The following ECHDC1 variants were observed in gnomAD, a reference collection of about 807,000 sequenced individuals.
ECHDC1 encodes ethylmalonyl-CoA decarboxylase.
Under a neutral mutation model 29.7 loss-of-function variants are expected in ECHDC1, and 29 were observed. The ratio of observed to expected loss-of-function variants is 0.98; its 90% CI spans 0.73 to 1.33. ECHDC1 has a LOEUF of 1.33. ECHDC1 is among the 40% of genes most tolerant of loss of function. The pLI is 0.00. For synonymous variants in ECHDC1, 126 were observed against 123.1 expected (o/e 1.02, Z -0.15); for missense variants, 328 against 350.0 (o/e 0.94, Z 0.50).
In ECHDC1 at chr6:127,289,018, C is replaced by A. The variant is rs1779874453; in HGVS notation, c.*851G>T. On this transcript the variant is annotated 3_prime_UTR_variant, in exon 6 of 6. Coordinates refer to ENST00000454859, the MANE Select transcript of ECHDC1 (RefSeq NM_001002030.2). ...AAAAGTGTATTGCTGGGATCATAAA[C>A]ATTTTATGTTGTGCATTTTTATTAC... 6.6e-6 allele frequency: 1 copy of A among 152,006 alleles called. No individual in the cohort carries two copies. Among genetic ancestry groups the A allele is most frequent in the Admixed American group, 6.6e-5 (1 of 15,246 alleles). 9.4% of individuals were successfully genotyped at this position (152,006 alleles called of 1,614,324 possible). A position where few individuals can be genotyped will look rare whatever the true frequency, so the allele number is the denominator to read the frequency against.
chr6:127,340,736 T>C (rs1380967928), intron 1 of ECHDC1, among the ~76,000 whole-genome samples: 3 of 95,314 alleles, frequency 3.1e-5, no homozygotes, highest in Non-Finnish European at 6.8e-5. Context: ...GATAGTTGCT[T>C]TAAAAGTTTT....
At chr6:127,294,012 A>AT (rs1169472752) in intron 5 of ECHDC1, among the ~76,000 whole-genome samples, 3 of 152,224 alleles carry the variant, frequency 2.0e-5, no homozygotes, top group African/African-American at 7.2e-5. Flanking sequence ...CTGTATTCTA[A>AT]TACAGATATG....
In ECHDC1 at chr6:127,290,124, A is replaced by C. The variant is rs751638074; in HGVS notation, c.651T>G (p.Ala217=). 4.3e-6 allele frequency: 7 copies of C among 1,613,702 alleles called. No homozygotes were observed. In the South Asian group the frequency reaches 7.7e-5, roughly 18 times the overall value. Residue 217 remains alanine (A), a synonymous_variant, in exon 6 of 6, where the codon GCT becomes GCG. Transcript: ENST00000454859. The stretch of plus-strand genomic sequence containing the variant: ...CCTCTTCAACCATTCCTATGTTTAG[A>C]GCATTTTTTGAATCCAGTTTAAGGG... ...SGALKLDSKN[A]LNIGMVEEVL...
rs1562327713 is a variant in ECHDC1 at position 127,326,984 on chromosome 6, A to G, written c.363+18T>C. 2.1e-5 allele frequency: 34 copies of G among 1,607,432 alleles called. No individual in the cohort carries two copies. Among genetic ancestry groups the G allele is most frequent in the Non-Finnish European group, 2.3e-5 (27 of 1,176,868 alleles). ...AATAAACATGTAGAATCAAATGCAT[A>G]ATTCATATAACACTTGCCTCTGGAG... On this transcript the variant is annotated intron_variant, in intron 3 of 5. Transcript: ENST00000454859.
intron 1 of ECHDC1, among the ~76,000 whole-genome samples, chr6:127,333,277 T>C (rs1032306659): frequency 4.6e-5 from 7 of 152,190 alleles, no homozygotes; most frequent in African/African-American, 1.7e-4. Context: ...TTAGGAATAA[T>C]ATAGGAGTTA....
At chr6:127,290,485 T>C (rs974900878) in intron 5 of ECHDC1, among the ~76,000 whole-genome samples, 1 of 152,110 alleles carries the variant, frequency 6.6e-6, no homozygotes. Flanking sequence ...GTATCATTTT[T>C]TGTTGTGCTT....
chr6:127,331,356 G>C (rs1190598904), intron 1 of ECHDC1, among the ~76,000 whole-genome samples: 1 of 151,976 alleles, frequency 6.6e-6, no homozygotes, highest in Non-Finnish European at 1.5e-5. Flanking sequence ...ATGTTAACCA[G>C]GCTGGTCTCG....
chr6:127,316,857 G>A (rs1311032704), intron 3 of ECHDC1, among the ~76,000 whole-genome samples: 2 of 151,642 alleles, frequency 1.3e-5, no homozygotes, highest in African/African-American at 4.9e-5. Context: ...AAGAGAAGAA[G>A]GGAAAGAAGG....
At chr6:127,291,980 AGAG>A (rs1215377350) in intron 5 of ECHDC1, among the ~76,000 whole-genome samples, 2 of 152,152 alleles carry the variant, frequency 1.3e-5, no homozygotes, top group Non-Finnish European at 2.9e-5. Flanking sequence ...CAATATTGTA[AGAG>A]GAGTACTGCC....
At chr6:127,305,273 T>C (rs892218758) in intron 5 of ECHDC1, among the ~76,000 whole-genome samples, 3 of 152,190 alleles carry the variant, frequency 2.0e-5, no homozygotes, top group African/African-American at 7.2e-5. Context: ...TGGTACGACA[T>C]ACTGCAAGTG....
chr6:127,303,038 T>C (rs1186876464), intron 5 of ECHDC1, among the ~76,000 whole-genome samples: 3 of 152,178 alleles, frequency 2.0e-5, no homozygotes, highest in Non-Finnish European at 4.4e-5. Context: ...GTAAACGGTC[T>C]TATATACCAA....
At chr6:127,312,836 T>C (rs1405142928) in intron 5 of ECHDC1, among the ~76,000 whole-genome samples, 3 of 152,146 alleles carry the variant, frequency 2.0e-5, no homozygotes, top group South Asian at 4.1e-4. Flanking sequence ...CTTTTCAACA[T>C]TAAAAAGGAA....
chr6:127,301,812 T>A (rs938162239), intron 5 of ECHDC1, among the ~76,000 whole-genome samples: 1 of 152,206 alleles, frequency 6.6e-6, no homozygotes, highest in Non-Finnish European at 1.5e-5. Context: ...TTCTAATCGA[T>A]TGCAGACCAA....
At chr6:127,318,763 T>C (rs1246035242) in intron 3 of ECHDC1, among the ~76,000 whole-genome samples, 1 of 152,138 alleles carries the variant, frequency 6.6e-6, no homozygotes, top group South Asian at 2.1e-4. Context: ...CTTAAAAAAA[T>C]TAGATGAATT....
chr6:127,319,394 A>T (rs1425775678), intron 3 of ECHDC1, among the ~76,000 whole-genome samples: 1 of 152,228 alleles, frequency 6.6e-6, no homozygotes, highest in Non-Finnish European at 1.5e-5. Flanking sequence ...TCTGACATAC[A>T]GTAAGAGAAT....
chr6:127,290,388 G>T, intron 5 of ECHDC1, 111 bp from the exon 6 acceptor site: 1 of 1,107,006 alleles, frequency 9.0e-7, no homozygotes, highest in Non-Finnish European at 1.2e-6. Context: ...TTATAGGTAG[G>T]TATATTAAAA....
intron 5 of ECHDC1, among the ~76,000 whole-genome samples, chr6:127,311,464 C>T (rs1309536693): frequency 6.6e-6 from 1 of 151,730 alleles, no homozygotes; most frequent in African/African-American, 2.4e-5. Context: ...ATCACGAGGT[C>T]AGGAGTTCGA....
In ECHDC1 at chr6:127,314,691, A is replaced by G. The variant is rs1044493300; in HGVS notation, c.497+125T>C. 46 of 691,564 alleles carry G rather than the reference A, an allele frequency of 6.7e-5. No individual in the cohort carries two copies. In the African/African-American group the frequency reaches 7.4e-4, roughly 11 times the overall value. The allele number at this position is 691,564 out of a possible 1,614,324, so 42.8% of individuals were successfully genotyped here. A position where few individuals can be genotyped will look rare whatever the true frequency, so the allele number is the denominator to read the frequency against. On this transcript the variant is annotated intron_variant, in intron 5 of 5. Coordinates refer to ENST00000454859, the MANE Select transcript of ECHDC1 (RefSeq NM_001002030.2). ...CTACTTTAATGACTGACAAAAAGAA[A>G]ACATTCAGAAAAGAAAATAGGTTTA...
intron 5 of ECHDC1, among the ~76,000 whole-genome samples, chr6:127,295,440 T>C (rs1314056037): frequency 6.6e-6 from 1 of 152,162 alleles, no homozygotes; most frequent in African/African-American, 2.4e-5. Context: ...TGCTTTTCAT[T>C]TGGTGTATAA....
Sources: allele counts gnomAD v4.1 joint callset (sites outside exome capture counted in the v4.1 genomes callset), GRCh38; gene constraint gnomAD v4.1.1; transcripts MANE v1.5; gene names NCBI Gene and HGNC (gene_info 2026-07-23, HGNC 2026-07-21).